PARD3B: variants seen among roughly 807,000 people sequenced by gnomAD.
The protein encoded by PARD3B is par-3 family cell polarity regulator beta, also known as partitioning defective 3 homolog B.
Under a neutral mutation model 130.2 loss-of-function variants are expected in PARD3B, and 103 were observed. The observed-to-expected ratio is 0.79, with a 90% confidence interval of 0.67 to 0.93. PARD3B has a LOEUF of 0.93. Ranked by LOEUF, PARD3B falls within the 40% of genes least tolerant of loss-of-function variation. The pLI, the probability that PARD3B is intolerant of heterozygous loss-of-function variation, is 0.00. For synonymous variants in PARD3B, 583 were observed against 553.2 expected, an observed-to-expected ratio of 1.05 and a Z score of -0.76; for missense variants, 1,609 against 1,499.2, an observed-to-expected ratio of 1.07 and a Z score of -1.21.
At chr2:205,476,028 G>T (rs563197554) in intron 20 of PARD3B, among the ~76,000 whole-genome samples, 34 of 152,184 alleles carry the variant, frequency 2.2e-4, no homozygotes, top group African/African-American at 7.7e-4. Context: ...GATCACAGTC[G>T]CTGTCAAGTG....
intron 4 of PARD3B, chr2:205,048,223 C>T (rs1016038266): frequency 1.3e-5 from 2 of 152,238 alleles, no homozygotes; most frequent in African/African-American, 2.4e-5. Flanking sequence ...TGTACATTTT[C>T]AAGCTCCCAA....
intron 4 of PARD3B, among the ~76,000 whole-genome samples, chr2:205,068,634 A>G (rs183564140): frequency 6.6e-6 from 1 of 150,396 alleles, no homozygotes; most frequent in African/African-American, 2.4e-5. Context: ...ATTTATTTGT[A>G]TTTTCTTGTT....
chr2:205,192,501 T>C (rs1432901385), intron 14 of PARD3B, among the ~76,000 whole-genome samples: 3 of 152,182 alleles, frequency 2.0e-5, no homozygotes, highest in African/African-American at 7.2e-5. Flanking sequence ...TGTAATTCTC[T>C]TATGTAATAC....
chr2:205,235,582 A>G (rs764349714), intron 15 of PARD3B, among the ~76,000 whole-genome samples: 2 of 152,132 alleles, frequency 1.3e-5, no homozygotes, highest in Non-Finnish European at 2.9e-5. Flanking sequence ...CTGATAACCA[A>G]AATGCTTACT....
At chr2:205,475,385 A>G (rs1040927329) in intron 20 of PARD3B, among the ~76,000 whole-genome samples, 2 of 152,256 alleles carry the variant, frequency 1.3e-5, no homozygotes, top group South Asian at 4.1e-4. Context: ...GAAAGCTCAC[A>G]CCTTATTTGC....
chr2:205,380,762 AATAT>A (rs1215490613), intron 18 of PARD3B, among the ~76,000 whole-genome samples: 11 of 104,374 alleles, frequency 1.1e-4, no homozygotes, highest in Middle Eastern at 0.012. Flanking sequence ...ATATATAAAG[AATAT>A]ATATAATATA....
intron 2 of PARD3B, among the ~76,000 whole-genome samples, chr2:204,750,445 C>T (rs2040415134): frequency 6.6e-6 from 1 of 152,090 alleles, no homozygotes; most frequent in Non-Finnish European, 1.5e-5. Context: ...ATTAGCTGCG[C>T]TTTGGCAACT....
chr2:204,939,274 T>C (rs952323753), intron 2 of PARD3B, among the ~76,000 whole-genome samples: 3 of 152,164 alleles, frequency 2.0e-5, no homozygotes, highest in Non-Finnish European at 4.4e-5. Flanking sequence ...CCATAAACAA[T>C]TTTTTAAAGA....
chr2:204,548,595 A>G (rs1285712713), intron 1 of PARD3B, among the ~76,000 whole-genome samples: 1 of 152,168 alleles, frequency 6.6e-6, no homozygotes, highest in Non-Finnish European at 1.5e-5. Context: ...ATTTATCCAT[A>G]TTGTTTGTTT....
intron 1 of PARD3B, among the ~76,000 whole-genome samples, chr2:204,591,970 TA>T (rs1439372706): frequency 3.9e-5 from 6 of 152,240 alleles, no homozygotes; most frequent in African/African-American, 1.4e-4. Flanking sequence ...ATGTATTTCA[TA>T]AGGTAGAATA....
intron 3 of PARD3B, among the ~76,000 whole-genome samples, chr2:205,036,371 T>A (rs28781899): frequency 0.84 from 111,755 of 133,762 alleles, 47,587 homozygotes; most frequent in East Asian, 0.98. Flanking sequence ...ATATATAAAA[T>A]ATATATAGCA....
chr2:205,266,091 C>A (rs1257770101), intron 16 of PARD3B, among the ~76,000 whole-genome samples: 3 of 151,990 alleles, frequency 2.0e-5, no homozygotes, highest in Non-Finnish European at 4.4e-5. Flanking sequence ...TTGTTCTTTG[C>A]CTTTTAGACT....
intron 16 of PARD3B, among the ~76,000 whole-genome samples, chr2:205,248,656 G>T (rs2039685016): frequency 7.1e-6 from 1 of 141,482 alleles, no homozygotes; most frequent in Non-Finnish European, 1.5e-5. Flanking sequence ...CGCCAGGCTG[G>T]AGTGCAGTGG....
chr2:205,391,797 G>GC (rs1178236747), intron 18 of PARD3B, among the ~76,000 whole-genome samples: 1 of 151,970 alleles, frequency 6.6e-6, no homozygotes, highest in Non-Finnish European at 1.5e-5. Flanking sequence ...TATCTTTCTT[G>GC]CCCACTCATT....
At chr2:204,579,108 T>C (rs541831358) in intron 1 of PARD3B, among the ~76,000 whole-genome samples, 7 of 149,752 alleles carry the variant, frequency 4.7e-5, no homozygotes, top group Admixed American at 4.6e-4. Flanking sequence ...GGCGGGGATA[T>C]GAAAGGAAAT....
intron 2 of PARD3B, among the ~76,000 whole-genome samples, chr2:204,757,796 G>T (rs1209186907): frequency 6.6e-6 from 1 of 152,060 alleles, no homozygotes; most frequent in Non-Finnish European, 1.5e-5. Context: ...AATCCCTTCA[G>T]TTTGAGAAAT....
At chr2:204,619,018 G>A (rs960417884) in intron 1 of PARD3B, among the ~76,000 whole-genome samples, 27 of 152,042 alleles carry the variant, frequency 1.8e-4, no homozygotes, top group African/African-American at 6.3e-4. Context: ...CTTTTGCTCA[G>A]TATATTGTTA....
chr2:205,252,793 T>C (rs1462659907), intron 16 of PARD3B, among the ~76,000 whole-genome samples: 1 of 149,270 alleles, frequency 6.7e-6, no homozygotes, highest in Non-Finnish European at 1.5e-5. Flanking sequence ...AGGTCACTTT[T>C]ATATTCTAGT....
chr2:205,241,354 C>T lies in PARD3B; in HGVS notation c.2141-4424C>T, dbSNP rs2039344176. ...TATCTAAATAAATCGGAAGAAAGAT[C>T]AAGAGGAGGCAGTCCATGGTACTCT... On this transcript the variant is annotated intron_variant, in intron 15 of 22. Transcript: ENST00000406610. This position sits in a 1 kb window ranked among gnomAD's most constrained non-coding sequence, Gnocchi z 4.2. 6.6e-6 allele frequency among the ~76,000 whole-genome samples: 1 copy of T among 152,056 alleles called. No individual in the cohort carries two copies. Among genetic ancestry groups the T allele is most frequent in the South Asian group, 2.1e-4 (1 of 4,822 alleles).
Sources: allele counts gnomAD v4.1 joint callset (sites outside exome capture counted in the v4.1 genomes callset), GRCh38; gene constraint gnomAD v4.1.1; non-coding constraint Gnocchi (gnomAD v3.1); transcripts MANE v1.5; gene names NCBI Gene and HGNC (gene_info 2026-07-23, HGNC 2026-07-21).